The following KLHDC4 variants were observed in gnomAD, a reference collection of about 807,000 sequenced individuals.
KLHDC4 encodes kelch domain-containing protein 4.
A neutral mutation model predicts 62.4 loss-of-function variants in KLHDC4; 90 were observed. That is an observed-to-expected ratio of 1.44 (90% CI 1.22 to 1.72). The LOEUF is 1.72. Ranked by LOEUF, KLHDC4 falls within the 40% of genes most tolerant of loss-of-function variation. The pLI, the probability that KLHDC4 is intolerant of heterozygous loss-of-function variation, is 0.00. For synonymous variants in KLHDC4, 386 were observed against 284.4 expected (o/e 1.36, Z -3.59); for missense variants, 1,025 against 699.7 (o/e 1.47, Z -5.25).
intron 7 of KLHDC4, among the ~76,000 whole-genome samples, chr16:87,720,852 T>A (rs1305770512): frequency 1.3e-5 from 2 of 152,206 alleles, no homozygotes; most frequent in East Asian, 3.9e-4. Flanking sequence ...GACACTGCTG[T>A]CGCGATGGTT....
chr16:87,707,108 G>A (rs2034828561), downstream of KLHDC4, among the ~76,000 whole-genome samples: 1 of 152,246 alleles, frequency 6.6e-6, no homozygotes, highest in Non-Finnish European at 1.5e-5. Context: ...ACTGCACCAG[G>A]TGTGGTTTCA....
At chr16:87,699,304 T>C (rs1374554065) in exon 1 of KLHDC4, 1 of 152,280 alleles carries the variant, frequency 6.6e-6, no homozygotes, top group Non-Finnish European at 1.5e-5. Flanking sequence ...TCCATTCTTT[T>C]GGATCTAGAA....
At chr16:87,701,056 T>C in exon 1 of KLHDC4, 1 of 193,848 alleles carries the variant, frequency 5.2e-6, no homozygotes, top group South Asian at 8.4e-5. Flanking sequence ...CAAGGAAGAG[T>C]GCAGCTGCAT....
intron 5 of KLHDC4, among the ~76,000 whole-genome samples, chr16:87,745,149 A>G (rs766788550): frequency 1.2e-4 from 18 of 152,210 alleles, no homozygotes; most frequent in African/African-American, 2.2e-4. Context: ...AATTCCAATG[A>G]GCAGGTGCCA....
intron 7 of KLHDC4, among the ~76,000 whole-genome samples, chr16:87,720,780 C>T (rs966409874): frequency 6.6e-6 from 1 of 152,258 alleles, no homozygotes; most frequent in Non-Finnish European, 1.5e-5. Context: ...TTGAAAACTG[C>T]TTCAGGGAAG....
chr16:87,724,225 A>G (rs898684414), intron 7 of KLHDC4, among the ~76,000 whole-genome samples: 3 of 152,238 alleles, frequency 2.0e-5, no homozygotes, highest in African/African-American at 7.2e-5. Context: ...GCTGCTCTTG[A>G]GAATTAGTCC....
intron 5 of KLHDC4, among the ~76,000 whole-genome samples, chr16:87,731,924 A>G (rs2040444876): frequency 6.6e-6 from 1 of 152,164 alleles, no homozygotes; most frequent in Non-Finnish European, 1.5e-5. Context: ...ATCTCGCTGA[A>G]GGAAGGCAGG....
chr16:87,740,705 A>G (rs2143014016), intron 5 of KLHDC4: 1 of 152,344 alleles, frequency 6.6e-6, no homozygotes, highest in South Asian at 2.1e-4. Flanking sequence ...TTTACATGCG[A>G]GGGAAAAGGG....
intron 7 of KLHDC4, among the ~76,000 whole-genome samples, chr16:87,718,988 G>A (rs1158448918): frequency 6.6e-6 from 1 of 150,814 alleles, no homozygotes; most frequent in Non-Finnish European, 1.5e-5. Flanking sequence ...CCTCCGCCCG[G>A]CAGCCGCCCC....
intron 4 of KLHDC4, among the ~76,000 whole-genome samples, chr16:87,752,337 T>C (rs1017840092): frequency 7.5e-5 from 10 of 133,524 alleles, no homozygotes; most frequent in Admixed American, 5.6e-4. Context: ...CACTGTTTTT[T>C]CTTTTTTTTT....
At chr16:87,713,376 T>C (rs945019929) in intron 8 of KLHDC4, among the ~76,000 whole-genome samples, 2 of 151,668 alleles carry the variant, frequency 1.3e-5, no homozygotes, top group Non-Finnish European at 2.9e-5. Flanking sequence ...TACGTTTTTT[T>C]TTTAAGAGAT....
chr16:87,713,511 A>G (rs988939560), intron 8 of KLHDC4, among the ~76,000 whole-genome samples: 1 of 152,028 alleles, frequency 6.6e-6, no homozygotes, highest in Non-Finnish European at 1.5e-5. Context: ...AACAAATGCA[A>G]TTTTTTTCAA....
chr16:87,714,431 G>C, intron 8 of KLHDC4, 67 bp downstream of exon 8: 1 of 1,596,108 alleles, frequency 6.3e-7, no homozygotes, highest in Non-Finnish European at 8.5e-7. Context: ...CCATGGGAGG[G>C]TGTGGGCTCT....
downstream of KLHDC4, chr16:87,707,724 C>T (rs1471480000): frequency 5.6e-5 from 15 of 266,242 alleles, no homozygotes; most frequent in East Asian, 1.1e-4. Flanking sequence ...GGGGTGGTCT[C>T]GCCCTAGGCC....
At chr16:87,708,997 G>A (rs575761759) in intron 10 of KLHDC4, among the ~76,000 whole-genome samples, 14 of 152,366 alleles carry the variant, frequency 9.2e-5, no homozygotes, top group African/African-American at 2.4e-4. Flanking sequence ...TGCTGTGGAC[G>A]GAGCAGCAGA....
At chr16:87,734,784 A>C (rs1040417279) in intron 5 of KLHDC4, among the ~76,000 whole-genome samples, 1 of 152,188 alleles carries the variant, frequency 6.6e-6, no homozygotes, top group African/African-American at 2.4e-5. Context: ...ACAGTTCCAC[A>C]GACTCCACAG....
intron 5 of KLHDC4, among the ~76,000 whole-genome samples, chr16:87,737,507 G>C (rs2041536503): frequency 6.6e-6 from 1 of 151,932 alleles, no homozygotes; most frequent in African/African-American, 2.4e-5. Flanking sequence ...AGAATCACTT[G>C]AACTCAGGAG....
intron 7 of KLHDC4, among the ~76,000 whole-genome samples, chr16:87,721,992 T>A (rs999788953): frequency 6.6e-6 from 1 of 152,096 alleles, no homozygotes; most frequent in Non-Finnish European, 1.5e-5. Context: ...CTGTGCTGGT[T>A]CCCTGACTCT....
chr16:87,733,272 T>C (rs1050912919), intron 5 of KLHDC4, among the ~76,000 whole-genome samples: 3 of 152,224 alleles, frequency 2.0e-5, no homozygotes, highest in Non-Finnish European at 2.9e-5. Flanking sequence ...AGTCCTCCAG[T>C]GAGCAGGCGT....
Sources: allele counts gnomAD v4.1 joint callset (sites outside exome capture counted in the v4.1 genomes callset), GRCh38; gene constraint gnomAD v4.1.1; transcripts MANE v1.5; gene names NCBI Gene and HGNC (gene_info 2026-07-23, HGNC 2026-07-21).